The following INPP5A variants were observed in gnomAD, a reference collection of about 807,000 sequenced individuals.
INPP5A encodes inositol polyphosphate-5-phosphatase A.
In INPP5A, 14 loss-of-function variants were observed where a neutral mutation model predicts 65.2. The observed-to-expected ratio is 0.21, with a 90% CI of 0.14 to 0.34. The LOEUF (loss-of-function observed/expected upper bound fraction) is 0.34, where lower values mean the gene tolerates loss of function less well. Among genes scored for constraint, INPP5A ranks in the 10% least tolerant of loss-of-function variants. The pLI is 1.00. For missense variants in INPP5A, 431 were observed against 545.6 expected, an observed-to-expected ratio of 0.79 and a Z score of 2.09; for synonymous variants, 207 against 208.3, an observed-to-expected ratio of 0.99 and a Z score of 0.05.
chr10:132,556,298 C>G (rs1274272709), intron 1 of INPP5A, among the ~76,000 whole-genome samples: 1 of 152,198 alleles, frequency 6.6e-6, no homozygotes, highest in African/African-American at 2.4e-5. Context: ...AATGCATCCA[C>G]AGACCCACAG....
chr10:132,554,491 A>G (rs1024290877), intron 1 of INPP5A, among the ~76,000 whole-genome samples: 2 of 152,182 alleles, frequency 1.3e-5, no homozygotes, highest in Non-Finnish European at 2.9e-5. Context: ...GAGGCGGGAA[A>G]TAGGTGCTGA....
At chr10:132,578,621 C>CTGGAGG (rs1590843419) in intron 1 of INPP5A, among the ~76,000 whole-genome samples, 106 of 55,476 alleles carry the variant, frequency 1.9e-3, no homozygotes, top group East Asian at 8.7e-3. Context: ...GTGTGTGGGG[C>CTGGAGG]GTCTCACCCA....
chr10:132,566,141 C>T (rs766996202), intron 1 of INPP5A, among the ~76,000 whole-genome samples: 3 of 151,936 alleles, frequency 2.0e-5, no homozygotes, highest in Admixed American at 6.6e-5. Context: ...ATTTGCTCAA[C>T]GATGTTCAAA....
At chr10:132,744,468 G>A (rs575847425) in intron 9 of INPP5A, among the ~76,000 whole-genome samples, 2 of 152,288 alleles carry the variant, frequency 1.3e-5, no homozygotes, top group African/African-American at 2.4e-5. Context: ...CGGTGTCAGC[G>A]GACATCCCGT....
rs1846524875 is a variant in INPP5A at position 132,753,012 on chromosome 10, G to A, written c.903+3167G>A. ...GTCGGGAGTCCCATGTGGAAAGGCG[G>A]CCTGAGCTCAGGAGGCGCCTTCTGA... On this transcript the variant is annotated intron_variant, in intron 11 of 15. Coordinates refer to ENST00000368594, the MANE Select transcript of INPP5A (RefSeq NM_005539.5). The surrounding 1 kb of genome is among the most constrained non-coding windows in gnomAD (Gnocchi z 5.3). Among the ~76,000 whole-genome samples the A allele has an allele frequency of 6.6e-6, 1 of 152,100 alleles. No homozygotes were observed. Among genetic ancestry groups the A allele is most frequent in the African/African-American group, 2.4e-5 (1 of 41,394 alleles).
At chr10:132,557,118 C>T (rs2071137136) in intron 1 of INPP5A, among the ~76,000 whole-genome samples, 1 of 152,216 alleles carries the variant, frequency 6.6e-6, no homozygotes, top group South Asian at 2.1e-4. Flanking sequence ...TGGTCAGTTC[C>T]GCCTAAAGGC....
chr10:132,642,438 A>G (rs2072438081), intron 2 of INPP5A, among the ~76,000 whole-genome samples: 1 of 152,220 alleles, frequency 6.6e-6, no homozygotes, highest in Admixed American at 6.5e-5. Context: ...CTATGCCAGC[A>G]TAGCTGCAGT....
At chr10:132,693,743 G>A (rs1590931111) in intron 5 of INPP5A, among the ~76,000 whole-genome samples, 1 of 152,162 alleles carries the variant, frequency 6.6e-6, no homozygotes, top group Non-Finnish European at 1.5e-5. Flanking sequence ...TATCAGAATA[G>A]GCAGAGCAGA....
At chr10:132,634,664 GT>G (rs527596794) in intron 2 of INPP5A, among the ~76,000 whole-genome samples, 146 of 152,334 alleles carry the variant, frequency 9.6e-4, no homozygotes, top group African/African-American at 3.3e-3. Context: ...TGCCCAGTGT[GT>G]TTTTTGTTAT....
intron 1 of INPP5A, among the ~76,000 whole-genome samples, chr10:132,559,954 G>C (rs531272038): frequency 2.6e-5 from 4 of 152,310 alleles, no homozygotes; most frequent in Non-Finnish European, 5.9e-5. Context: ...AGCTCTCTCG[G>C]GTGTAGACCT....
chr10:132,718,798 CACCTTA>C, intron 8 of INPP5A, among the ~76,000 whole-genome samples: 1 of 146,992 alleles, frequency 6.8e-6, no homozygotes, highest in Non-Finnish European at 1.5e-5. Context: ...TCTGTCTGGG[CACCTTA>C]GACAGCTGTC....
chr10:132,690,434 A>T lies in INPP5A; in HGVS notation c.349A>T (p.Ile117Phe). The change falls in exon 5 of 16, where the codon ATC becomes TTC. Residue 117 changes from isoleucine to phenylalanine, a missense_variant. Physicochemically the swap from Ile to Phe is conservative, Grantham distance 21. Transcript: ENST00000368594. The stretch of plus-strand genomic sequence containing the variant: ...TTTTCTTCATGAGTCCTTAAAAAAC[A>T]TCTACCAGTTTGACTTTAAAGGTAA... ...FYFLHESLKN[I>F]YQFDFKAKKY... 2 of 1,613,118 alleles carry T rather than the reference A, an allele frequency of 1.2e-6. No individual in the cohort carries two copies. Among genetic ancestry groups the T allele is most frequent in the Non-Finnish European group, 8.5e-7 (1 of 1,179,334 alleles).
chr10:132,783,106 C>G lies in INPP5A; in HGVS notation c.*1077C>G, dbSNP rs947494838. ...CCTCATTGCTCCGCTACAGACAACCCATGTCATAACCTTGTTGCAAATATT... is the reference window on the plus strand; with the variant it reads ...CCTCATTGCTCCGCTACAGACAACCGATGTCATAACCTTGTTGCAAATATT... On this transcript the variant is annotated 3_prime_UTR_variant, in exon 16 of 16. Transcript: ENST00000368594. 4 of 152,362 alleles carry G rather than the reference C, an allele frequency of 2.6e-5. No individual in the cohort carries two copies. The highest frequency in any genetic ancestry group is 4.4e-5 in the Non-Finnish European group (3 of 68,032). 9.4% of individuals were successfully genotyped at this position (152,362 alleles called of 1,614,324 possible).
rs1303818158 is a variant in INPP5A at position 132,674,694 on chromosome 10, G to A, written c.307-15698G>A. ...TTGATGATGGAATGCTGCTGTGCAT[G>A]ACCCACTTCATGGCTAGATGGGTCA... On this transcript the variant is annotated intron_variant, in intron 4 of 15. Coordinates refer to ENST00000368594, the MANE Select transcript of INPP5A (RefSeq NM_005539.5). This position sits in a 1 kb window ranked among gnomAD's most constrained non-coding sequence, Gnocchi z 4.4. Among the ~76,000 whole-genome samples, 1 of 152,162 alleles carries A rather than the reference G, an allele frequency of 6.6e-6. No homozygotes were observed. The highest frequency in any genetic ancestry group is 1.5e-5 in the Non-Finnish European group (1 of 68,002).
intron 2 of INPP5A, among the ~76,000 whole-genome samples, chr10:132,633,434 T>A (rs1252987844): frequency 6.6e-6 from 1 of 152,192 alleles, no homozygotes; most frequent in Non-Finnish European, 1.5e-5. Flanking sequence ...TAAATCTGTT[T>A]TAAAACGAAG....
At chr10:132,623,418 T>C (rs1195207795) in intron 2 of INPP5A, among the ~76,000 whole-genome samples, 1 of 151,106 alleles carries the variant, frequency 6.6e-6, no homozygotes, top group African/African-American at 2.4e-5. Context: ...TTTCAACAAA[T>C]TGTGCAGGAA....
At chr10:132,759,912 T>G (rs889842823) in intron 11 of INPP5A, among the ~76,000 whole-genome samples, 3 of 152,118 alleles carry the variant, frequency 2.0e-5, no homozygotes, top group Non-Finnish European at 4.4e-5. Context: ...CTGTGCCCGG[T>G]GCATTCACCA....
intron 5 of INPP5A, among the ~76,000 whole-genome samples, chr10:132,693,817 T>C (rs1022139943): frequency 6.6e-6 from 1 of 151,992 alleles, no homozygotes; most frequent in Non-Finnish European, 1.5e-5. Flanking sequence ...AAAGATCAGA[T>C]CTCCAAGAAT....
At chr10:132,688,378 G>A (rs565099011) in intron 4 of INPP5A, among the ~76,000 whole-genome samples, 1 of 152,350 alleles carries the variant, frequency 6.6e-6, no homozygotes, top group South Asian at 2.1e-4. Context: ...GGAGGGAGCA[G>A]CAGTTCCCTG....
Sources: gnomAD v4.1 joint callset for allele counts (sites outside exome capture counted in the v4.1 genomes callset) on GRCh38, gnomAD v4.1.1 for gene constraint, Gnocchi (gnomAD v3.1) non-coding constraint, MANE v1.5 for transcripts, NCBI Gene and HGNC (gene_info 2026-07-23, HGNC 2026-07-21) for gene names.